Variants in OTUD7A observed in about 807,000 individuals in gnomAD.
OTUD7A encodes the protein OTU domain-containing protein 7A.
In OTUD7A, 12 loss-of-function variants were observed where a neutral mutation model predicts 65.7. The observed-to-expected ratio is 0.18, with a 90% CI of 0.12 to 0.30. The LOEUF (loss-of-function observed/expected upper bound fraction) is 0.30. Ranked by LOEUF, OTUD7A falls within the 10% of genes least tolerant of loss-of-function variation. The probability of loss-of-function intolerance (pLI) is 1.00; values close to 1 mark genes in which losing one functional copy is unlikely to be tolerated. For synonymous variants in OTUD7A, 641 were observed against 586.3 expected, an observed-to-expected ratio of 1.09 and a Z score of -1.35; for missense variants, 1,148 against 1,304.8, an observed-to-expected ratio of 0.88 and a Z score of 1.85.
intron 1 of OTUD7A, among the ~76,000 whole-genome samples, chr15:31,779,514 G>A (rs966701798): frequency 1.3e-5 from 2 of 152,158 alleles, no homozygotes; most frequent in Non-Finnish European, 2.9e-5. Flanking sequence ...AAAAAACAAT[G>A]CACCATTCCT....
In OTUD7A at chr15:31,480,603, T is replaced by C. The variant is rs1719689373; in HGVS notation, c.*2691A>G. On this transcript the variant is annotated 3_prime_UTR_variant, in exon 13 of 13. Coordinates refer to ENST00000307050, the MANE Select transcript of OTUD7A (RefSeq NM_001382637.1). ...AGTCAACACAGTTTTTAATAGTTTC[T>C]GGCCAGCCTGCTGAAGTTGGTCTCT... 1 of 152,302 alleles carries C rather than the reference T, an allele frequency of 6.6e-6. No individual in the cohort carries two copies. Among genetic ancestry groups the C allele is most frequent in the Non-Finnish European group, 1.5e-5 (1 of 68,074 alleles). 9.4% of individuals were successfully genotyped at this position (152,302 alleles called of 1,614,324 possible).
intron 8 of OTUD7A, among the ~76,000 whole-genome samples, chr15:31,510,281 G>A (rs1290025391): frequency 2.0e-5 from 3 of 151,802 alleles, no homozygotes; most frequent in Non-Finnish European, 2.9e-5. Context: ...TTCTTTCTGC[G>A]ACAGTCCCCG....
intron 6 of OTUD7A, among the ~76,000 whole-genome samples, chr15:31,527,629 A>C (rs1364789186): frequency 6.6e-6 from 1 of 152,182 alleles, no homozygotes; most frequent in Non-Finnish European, 1.5e-5. Flanking sequence ...GTCATTATTC[A>C]AGTCTTACAT....
chr15:31,866,090 A>G (rs1213029070), intron 1 of OTUD7A, among the ~76,000 whole-genome samples: 2 of 152,268 alleles, frequency 1.3e-5, no homozygotes, highest in Non-Finnish European at 2.9e-5. Context: ...AGATGTATTT[A>G]AAACTTGTAT....
chr15:31,683,486 A>G (rs1308121151), intron 1 of OTUD7A, among the ~76,000 whole-genome samples: 1 of 152,206 alleles, frequency 6.6e-6, no homozygotes, highest in African/African-American at 2.4e-5. Context: ...TCCTGGGGAC[A>G]ATTTATGTGT....
intron 1 of OTUD7A, among the ~76,000 whole-genome samples, chr15:31,824,213 C>T (rs2140975853): frequency 6.6e-6 from 1 of 152,334 alleles, no homozygotes; most frequent in African/African-American, 2.4e-5. Flanking sequence ...TTATGCCAGG[C>T]TGGCTCCAGC....
chr15:31,815,353 C>T (rs1000166990), intron 1 of OTUD7A, among the ~76,000 whole-genome samples: 2 of 152,240 alleles, frequency 1.3e-5, no homozygotes, highest in African/African-American at 4.8e-5. Flanking sequence ...CCACTGTCAA[C>T]TCCTCAGTCC....
chr15:31,608,804 C>T (rs2100715), intron 3 of OTUD7A, among the ~76,000 whole-genome samples: 48,189 of 152,050 alleles, frequency 0.32, 9,737 homozygotes, highest in African/African-American at 0.57. Context: ...TGCGGAGGCT[C>T]GCATCATGAA....
At chr15:31,641,775 C>T (rs1891523945) in intron 3 of OTUD7A, among the ~76,000 whole-genome samples, 1 of 152,182 alleles carries the variant, frequency 6.6e-6, no homozygotes, top group Non-Finnish European at 1.5e-5. Context: ...TATCTTACAA[C>T]ACTGCTAACT....
chr15:31,795,679 G>A (rs12595731), intron 1 of OTUD7A, among the ~76,000 whole-genome samples: 19,063 of 152,190 alleles, frequency 0.13, 1,599 homozygotes, highest in South Asian at 0.35. Context: ...CGGCCTGCAC[G>A]TTCCTGAAAT....
intron 7 of OTUD7A, 126 bp downstream of exon 7, chr15:31,527,055 G>C: frequency 7.2e-7 from 1 of 1,383,786 alleles, no homozygotes; most frequent in Non-Finnish European, 9.8e-7. Context: ...CCTGATCCCA[G>C]GGGCTGTTTC....
intron 3 of OTUD7A, among the ~76,000 whole-genome samples, chr15:31,608,351 T>C (rs80078318): frequency 1.7e-3 from 254 of 152,218 alleles, no homozygotes; most frequent in African/African-American, 5.9e-3. Flanking sequence ...TCGGTGCATA[T>C]GGTTAAGAGC....
At chr15:31,839,434 T>G (rs564602077) in intron 1 of OTUD7A, among the ~76,000 whole-genome samples, 69 of 152,316 alleles carry the variant, frequency 4.5e-4, no homozygotes, top group African/African-American at 1.7e-3. Flanking sequence ...GGACTGGCTG[T>G]GACCAACAGG....
intron 3 of OTUD7A, among the ~76,000 whole-genome samples, chr15:31,651,271 A>G (rs183783541): frequency 1.4e-5 from 2 of 146,286 alleles, no homozygotes; most frequent in East Asian, 4.0e-4. Context: ...TTAAAAATTC[A>G]GTATCTATTT....
chr15:31,606,129 T>C (rs1373473877), intron 3 of OTUD7A, among the ~76,000 whole-genome samples: 1 of 152,264 alleles, frequency 6.6e-6, no homozygotes, highest in African/African-American at 2.4e-5. Flanking sequence ...CCCATCATAG[T>C]TGCTCTTTGC....
At chr15:31,724,897 G>T (rs369435491) in intron 1 of OTUD7A, among the ~76,000 whole-genome samples, 35 of 152,220 alleles carry the variant, frequency 2.3e-4, no homozygotes, top group African/African-American at 4.3e-4. Context: ...GGGCAGGGGT[G>T]GGGGGCACGA....
At chr15:31,596,804 C>A (rs981375660) in intron 3 of OTUD7A, among the ~76,000 whole-genome samples, 1 of 151,936 alleles carries the variant, frequency 6.6e-6, no homozygotes, top group African/African-American at 2.4e-5. Flanking sequence ...CTTTTGCTCA[C>A]TTTTCTATTG....
chr15:31,722,452 T>A (rs1893765980), intron 1 of OTUD7A, among the ~76,000 whole-genome samples: 1 of 152,214 alleles, frequency 6.6e-6, no homozygotes, highest in African/African-American at 2.4e-5. Context: ...CCAAACACTC[T>A]CACTGGCTGG....
chr15:31,549,298 C>T (rs1448682279), intron 5 of OTUD7A, among the ~76,000 whole-genome samples: 1 of 152,200 alleles, frequency 6.6e-6, no homozygotes, highest in Non-Finnish European at 1.5e-5. Flanking sequence ...GATTTAATCT[C>T]TCATTCTGGA....
Sources: allele counts gnomAD v4.1 joint callset (sites outside exome capture counted in the v4.1 genomes callset), GRCh38; gene constraint gnomAD v4.1.1; transcripts MANE v1.5; gene names NCBI Gene and HGNC (gene_info 2026-07-23, HGNC 2026-07-21).